Variants in MYH2 observed in about 807,000 individuals in gnomAD.
MYH2 encodes myosin heavy chain 2, also known as myosin-2.
In MYH2, 139 loss-of-function variants were observed where a neutral mutation model predicts 228.1. The observed-to-expected ratio is 0.61, with a 90% CI of 0.53 to 0.70. The LOEUF (loss-of-function observed/expected upper bound fraction) is 0.70, where lower values mean the gene tolerates loss of function less well. MYH2 is among the 30% of genes least tolerant of loss of function. MYH2 has a pLI of 0.00. For synonymous variants in MYH2, 796 were observed against 871.1 expected (o/e 0.91, Z 1.52); for missense variants, 1,809 against 2,357.5 (o/e 0.77, Z 4.82).
At position 10,524,746 on chromosome 17, in the gene MYH2, G is replaced by A; in HGVS notation, c.4971+11C>T. 1 of 1,614,172 alleles carries A rather than the reference G, an allele frequency of 6.2e-7. No homozygotes were observed. Among genetic ancestry groups the A allele is most frequent in the Non-Finnish European group, 8.5e-7 (1 of 1,180,042 alleles). ...CCAATAGTCCTGGGACCATCTCTTG[G>A]ACATATTTACCTTGAGGATGCCTTG... is the stretch of plus-strand genomic sequence containing the variant. On this transcript the variant is annotated intron_variant, in intron 34 of 39. Coordinates refer to ENST00000245503, the MANE Select transcript of MYH2 (RefSeq NM_017534.6). The surrounding 1 kb of genome is among the most constrained non-coding windows in gnomAD (Gnocchi z 4.7).
chr17:10,529,825 T>C lies in MYH2; in HGVS notation c.2940+7A>G, dbSNP rs960028879. 2.5e-6 allele frequency: 4 copies of C among 1,613,892 alleles called. No individual in the cohort carries two copies. The highest frequency in any genetic ancestry group is 1.7e-4 in the Middle Eastern group (1 of 5,994). On this transcript the variant is annotated splice_region_variant and intron_variant, in intron 23 of 39. Coordinates refer to ENST00000245503, the MANE Select transcript of MYH2 (RefSeq NM_017534.6). ...CTCTATACAGTACTGTAGAATATGATTGATACCTTGTTTTCTGTGGCATGT... is the reference window on the plus strand; with the variant it reads ...CTCTATACAGTACTGTAGAATATGACTGATACCTTGTTTTCTGTGGCATGT...
At chr17:10,536,019 G>A (rs2073478384) in intron 17 of MYH2, among the ~76,000 whole-genome samples, 1 of 152,150 alleles carries the variant, frequency 6.6e-6, no homozygotes, top group Admixed American at 6.5e-5. Flanking sequence ...GAGTATTATG[G>A]TCTATAAGAT....
chr17:10,527,981 C>T, intron 27 of MYH2, 107 bp from the exon 28 acceptor site: 1 of 1,337,688 alleles, frequency 7.5e-7, no homozygotes, highest in East Asian at 2.6e-5. Flanking sequence ...CAATATTTAT[C>T]TTAATATAGA....
rs761203577 is a variant in MYH2, at chr17:10,539,488, T to C, written c.1222A>G (p.Lys408Glu). Reference sequence around the variant, plus strand: ...TTGGTGACATACTCATTGCCGACCTTGACCCTGGGGTAGCAGAGAGCTTTG... The same window carrying C: ...TTGGTGACATACTCATTGCCGACCTCGACCCTGGGGTAGCAGAGAGCTTTG... ...LLKALCYPRVKVGNEYVTKGQ... is the reference protein window; with the variant it reads ...LLKALCYPRVEVGNEYVTKGQ... The change falls in exon 13 of 40, where the codon AAG (lysine) becomes GAG (glutamate). Residue 408 changes from lysine (K) to glutamate (E), a missense_variant. Around this residue, in one of 9 missense-constraint regions of MYH2, gnomAD observed 373 missense variants for 620.4 expected, o/e 0.60. Transcript: ENST00000245503. The C allele has an allele frequency of 6.2e-7, 1 of 1,614,104 alleles. No individual in the cohort carries two copies. The highest frequency in any genetic ancestry group is 8.5e-7 in the Non-Finnish European group (1 of 1,180,050).
intron 2 of MYH2, among the ~76,000 whole-genome samples, chr17:10,548,647 G>C (rs774136589): frequency 5.9e-5 from 9 of 152,076 alleles, no homozygotes; most frequent in Non-Finnish European, 1.2e-4. Flanking sequence ...AAACTAATTA[G>C]GGATAAAAAC....
Position 10,524,898 on chromosome 17 carries a change from C to G in MYH2, c.4830G>C (p.Glu1610Asp), listed in dbSNP as rs1481593335. The change falls in exon 34 of 40, where the codon GAG becomes GAC. Residue 1610 changes from glutamate (E) to aspartate (D), a missense_variant. Physicochemically the swap from Glu to Asp is conservative, Grantham distance 45 (BLOSUM62 2). Around this residue, in one of 9 missense-constraint regions of MYH2, gnomAD observed 75 missense variants for 131.2 expected, o/e 0.57. Transcript: ENST00000245503. This position sits in a 1 kb window ranked among gnomAD's most constrained non-coding sequence, Gnocchi z 4.7. ...TAATGGCATCATTCCTACTCCTGAT[C>G]TCAGCATCCAGCGTGCTCTGCATGG... Reference protein sequence around the residue: ...VESMQSTLDAEIRSRNDAIRL... With the variant: ...VESMQSTLDADIRSRNDAIRL... 1.9e-6 allele frequency: 3 copies of G among 1,614,096 alleles called. No individual in the cohort carries two copies. In the South Asian group the frequency reaches 3.3e-5, roughly 18 times the overall value.
chr17:10,523,950 T>C (rs1019442213), intron 35 of MYH2, 66 bp from the exon 36 acceptor site: 17 of 1,519,908 alleles, frequency 1.1e-5, no homozygotes, highest in Non-Finnish European at 1.4e-5. Context: ...TAACCACTTC[T>C]TGAAAAAAAT....
Position 10,525,194 on chromosome 17 carries a change from T to C in MYH2, c.4662+30A>G. On this transcript the variant is annotated intron_variant, in intron 33 of 39. Coordinates refer to ENST00000245503, the MANE Select transcript of MYH2 (RefSeq NM_017534.6). This position sits in a 1 kb window ranked among gnomAD's most constrained non-coding sequence, Gnocchi z 4.2. ...CAGATGTACCTAATTATTTTCCAGATTTTTTTATAATGCACAATTTTACAT... is the reference window on the plus strand; with the variant it reads ...CAGATGTACCTAATTATTTTCCAGACTTTTTTATAATGCACAATTTTACAT... The C allele has an allele frequency of 6.2e-7, 1 of 1,613,926 alleles. No individual in the cohort carries two copies. Among genetic ancestry groups the C allele is most frequent in the Non-Finnish European group, 8.5e-7 (1 of 1,179,992 alleles).
chr17:10,545,278 T>A, intron 5 of MYH2, 68 bp downstream of exon 5: 1 of 1,611,390 alleles, frequency 6.2e-7, no homozygotes, highest in Non-Finnish European at 8.5e-7. Context: ...TGAGATTGCC[T>A]CGAGTCTCTT....
At position 10,528,796 on chromosome 17, in the gene MYH2, A is replaced by G. The variant is rs761617487; in HGVS notation, c.3638T>C (p.Ile1213Thr). The change falls in exon 27 of 40, where the codon ATT (isoleucine) becomes ACT (threonine). Residue 1213 changes from isoleucine to threonine, a missense_variant. Transcript: ENST00000245503. ...ADSVAELGEQ[I>T]DNLQRVKQKL... ...CTGCTTCACTCGCTGCAGGTTGTCA[A>G]TCTGCTCCCCAAGCTCGGCCACACT... 10 of 1,614,052 alleles carry G rather than the reference A, an allele frequency of 6.2e-6. No individual in the cohort carries two copies. Among genetic ancestry groups the G allele is most frequent in the South Asian group, 1.1e-5 (1 of 91,074 alleles).
rs1292785238 is a variant in MYH2, at chr17:10,525,051, A to G, written c.4677T>C (p.His1559=). 1.2e-6 allele frequency: 2 copies of G among 1,614,082 alleles called. No homozygotes were observed. Among genetic ancestry groups the G allele is most frequent in the African/African-American group, 1.3e-5 (1 of 75,012 alleles). ...ALEEAEASLE[H]EEGKILRIQL... ...GGATGCGCAGGATCTTTCCCTCTTC[A>G]TGTTCAAGAGATGCCTTAATGACAG... The change falls in exon 34 of 40, where the codon CAT becomes CAC. Residue 1559 remains histidine, a synonymous_variant. Transcript: ENST00000245503. The surrounding 1 kb of genome is among the most constrained non-coding windows in gnomAD (Gnocchi z 4.2).
chr17:10,528,047 C>CTTTCT (rs1555570305), intron 27 of MYH2, among the ~76,000 whole-genome samples, 173 bp from the exon 28 acceptor site: 3 of 131,870 alleles, frequency 2.3e-5, no homozygotes, highest in East Asian at 2.3e-4. Context: ...TTCTTTCTTT[C>CTTTCT]TTTTTTTTTT....
At position 10,537,138 on chromosome 17, in the gene MYH2, C is replaced by A. The variant is rs1281185497; in HGVS notation, c.1897+95G>T. 4 of 1,542,378 alleles carry A rather than the reference C, an allele frequency of 2.6e-6. No individual in the cohort carries two copies. Among genetic ancestry groups the A allele is most frequent in the Non-Finnish European group, 8.9e-7 (1 of 1,121,670 alleles). Reference sequence around the variant, plus strand: ...TACTTGGAGGAACCAGGGGCTTGGTCTGCAACCCTTCTGCCAGACCTAAGA... The same window carrying A: ...TACTTGGAGGAACCAGGGGCTTGGTATGCAACCCTTCTGCCAGACCTAAGA... On this transcript the variant is annotated intron_variant, in intron 16 of 39. Coordinates refer to ENST00000245503, the MANE Select transcript of MYH2 (RefSeq NM_017534.6). This position sits in a 1 kb window ranked among gnomAD's most constrained non-coding sequence, Gnocchi z 4.0.
At chr17:10,531,541 C>T in intron 22 of MYH2, 92 bp downstream of exon 22, 1 of 1,553,998 alleles carries the variant, frequency 6.4e-7, no homozygotes. Context: ...ATGAGTGTCT[C>T]CCTTGCAATT....
At chr17:10,522,370 C>A (rs1465103136) in intron 39 of MYH2, among the ~76,000 whole-genome samples, 3 of 152,086 alleles carry the variant, frequency 2.0e-5, no homozygotes, top group African/African-American at 7.2e-5. Context: ...TTCCCTTTCT[C>A]ATTTCTAATG....
intron 16 of MYH2, among the ~76,000 whole-genome samples, chr17:10,536,971 G>A (rs763186291): frequency 2.6e-5 from 4 of 152,180 alleles, no homozygotes; most frequent in Non-Finnish European, 5.9e-5. Flanking sequence ...CAGATGTGGA[G>A]GAAGAAGTAG....
At chr17:10,546,573 T>C (rs962330687) in intron 4 of MYH2, among the ~76,000 whole-genome samples, 18 of 151,934 alleles carry the variant, frequency 1.2e-4, no homozygotes, top group African/African-American at 3.9e-4. Flanking sequence ...CCAGTCTATG[T>C]AGGAGACAGT....
At position 10,537,659 on chromosome 17, in the gene MYH2, A is replaced by C; in HGVS notation, c.1587+6T>G. On this transcript the variant is annotated splice_donor_region_variant and intron_variant, in intron 15 of 39. Coordinates refer to ENST00000245503, the MANE Select transcript of MYH2 (RefSeq NM_017534.6). This position sits in a 1 kb window ranked among gnomAD's most constrained non-coding sequence, Gnocchi z 4.0. The stretch of plus-strand genomic sequence containing the variant: ...CAAAATATGGTTTCAGAAATGCAAA[A>C]CCAACCTTCTCGATGAGCTCGATGC... 1 of 1,614,204 alleles carries C rather than the reference A, an allele frequency of 6.2e-7. No homozygotes were observed. The highest frequency in any genetic ancestry group is 8.5e-7 in the Non-Finnish European group (1 of 1,180,028).
chr17:10,537,695 G>A lies in MYH2; in HGVS notation c.1557C>T (p.Asp519=), dbSNP rs758952455. 2 of 1,614,150 alleles carry A rather than the reference G, an allele frequency of 1.2e-6. No homozygotes were observed. Among genetic ancestry groups the A allele is most frequent in the East Asian group, 4.5e-5 (2 of 44,884 alleles). The change falls in exon 15 of 40, where the codon GAC becomes GAT. Residue 519 remains aspartate (D), a synonymous_variant. Coordinates refer to ENST00000245503, the MANE Select transcript of MYH2 (RefSeq NM_017534.6). This position sits in a 1 kb window ranked among gnomAD's most constrained non-coding sequence, Gnocchi z 4.0. ...IEWTFIDFGM[D]LAACIELIEK... ...CGATGAGCTCGATGCAGGCAGCCAG[G>A]TCCATCCCGAAGTCGATGAACGTCC... is the stretch of plus-strand genomic sequence containing the variant.
Sources: gnomAD v4.1 joint callset for allele counts (sites outside exome capture counted in the v4.1 genomes callset) on GRCh38, gnomAD v4.1.1 for gene constraint, gnomAD v4.1.1 regional missense constraint, Gnocchi (gnomAD v3.1) non-coding constraint, MANE v1.5 for transcripts, NCBI Gene and HGNC (gene_info 2026-07-23, HGNC 2026-07-21) for gene names.